The following GRID1 variants were observed in gnomAD, a reference collection of about 807,000 sequenced individuals.
The protein encoded by GRID1 is glutamate receptor ionotropic, delta-1.
A neutral mutation model predicts 98.0 loss-of-function variants in GRID1; 28 were observed. The ratio of observed to expected loss-of-function variants is 0.29; its 90% CI spans 0.21 to 0.39. GRID1 has a LOEUF of 0.39. Ranked by LOEUF, GRID1 falls within the 10% of genes least tolerant of loss-of-function variation. GRID1 has a pLI of 1.00. For missense variants in GRID1, 1,111 were observed against 1,340.5 expected (o/e 0.83, Z 2.67); for synonymous variants, 553 against 538.5 (o/e 1.03, Z -0.37).
intron 12 of GRID1, among the ~76,000 whole-genome samples, chr10:85,696,134 C>T (rs140796625): frequency 8.5e-5 from 13 of 152,164 alleles, no homozygotes; most frequent in African/African-American, 3.1e-4. Context: ...TACTGTCAGG[C>T]ACTGTGCTAA....
chr10:86,090,177 G>A (rs1844124547), intron 4 of GRID1, among the ~76,000 whole-genome samples: 1 of 152,084 alleles, frequency 6.6e-6, no homozygotes, highest in Non-Finnish European at 1.5e-5. Context: ...CAGCACTTTG[G>A]GAGGTCGAGG....
chr10:85,807,223 A>T (rs1352218874), intron 8 of GRID1, among the ~76,000 whole-genome samples: 1 of 151,882 alleles, frequency 6.6e-6, no homozygotes, highest in Non-Finnish European at 1.5e-5. Context: ...GGTGGCGCGC[A>T]CCTGTAGTCT....
intron 8 of GRID1, among the ~76,000 whole-genome samples, chr10:85,743,435 G>T (rs10887524): frequency 2.0e-5 from 3 of 151,964 alleles, no homozygotes; most frequent in Non-Finnish European, 4.4e-5. Flanking sequence ...ACAAAATTTG[G>T]GGTTGTCATG....
chr10:85,678,611 C>A (rs1841171677), intron 12 of GRID1, among the ~76,000 whole-genome samples: 1 of 152,178 alleles, frequency 6.6e-6, no homozygotes, highest in African/African-American at 2.4e-5. Flanking sequence ...TTTTCATTTT[C>A]TCTAGTCTCC....
chr10:86,135,188 TA>T (rs1228179089), intron 4 of GRID1, among the ~76,000 whole-genome samples: 1 of 152,192 alleles, frequency 6.6e-6, no homozygotes, highest in Non-Finnish European at 1.5e-5. Context: ...ACATCATAGG[TA>T]GTTGTCACTG....
intron 3 of GRID1, among the ~76,000 whole-genome samples, chr10:86,203,616 A>G: frequency 6.6e-6 from 1 of 151,668 alleles, no homozygotes; most frequent in Non-Finnish European, 1.5e-5. Flanking sequence ...AGGGCAGGCA[A>G]AGGCAGGAGG....
At chr10:86,176,090 G>T (rs1337089334) in intron 3 of GRID1, among the ~76,000 whole-genome samples, 1 of 152,224 alleles carries the variant, frequency 6.6e-6, no homozygotes, top group East Asian at 1.9e-4. Flanking sequence ...TGATCCGCCT[G>T]CCTCAGCCTC....
rs539583006 is a variant in GRID1 at position 85,799,409 on chromosome 10, A to G, written c.1233+55087T>C. On this transcript the variant is annotated intron_variant, in intron 8 of 15. Transcript: ENST00000327946. ...ATGTTGAAGGAATATCTGCACTCCT[A>G]TGTTTATCTATGCTTATTACAACAC... 1.2e-4 allele frequency among the ~76,000 whole-genome samples: 18 copies of G among 152,256 alleles called. No homozygotes were observed. In the South Asian group the frequency reaches 2.9e-3, roughly 25 times the overall value.
chr10:86,145,547 T>TACACACACACACACATAC (rs920900306), intron 3 of GRID1, among the ~76,000 whole-genome samples: 1,646 of 145,664 alleles, frequency 0.011, 28 homozygotes, highest in African/African-American at 0.035. Context: ...ATCCTCCACA[T>TACACACACACACACATAC]ACACACACAC....
At chr10:85,817,466 C>T (rs748740419) in intron 8 of GRID1, among the ~76,000 whole-genome samples, 8 of 152,066 alleles carry the variant, frequency 5.3e-5, no homozygotes, top group Non-Finnish European at 1.0e-4. Flanking sequence ...GTCAAGGCTG[C>T]AGTGGGCCAT....
chr10:86,303,373 C>A (rs1414533090), intron 2 of GRID1, among the ~76,000 whole-genome samples: 1 of 152,128 alleles, frequency 6.6e-6, no homozygotes, highest in African/African-American at 2.4e-5. Flanking sequence ...GAACCTCTTA[C>A]TTCATTAGAG....
intron 4 of GRID1, among the ~76,000 whole-genome samples, chr10:86,105,633 A>T (rs1844372718): frequency 6.6e-6 from 1 of 152,184 alleles, no homozygotes; most frequent in Non-Finnish European, 1.5e-5. Flanking sequence ...TTCATTCCCC[A>T]TTCAGCAAGC....
chr10:86,129,314 A>G (rs1216008118), intron 4 of GRID1, among the ~76,000 whole-genome samples: 1 of 152,210 alleles, frequency 6.6e-6, no homozygotes, highest in African/African-American at 2.4e-5. Context: ...ACACTCCAGG[A>G]GAAAAATGGG....
chr10:86,362,283 G>T (rs942252448), intron 2 of GRID1, among the ~76,000 whole-genome samples: 3 of 152,226 alleles, frequency 2.0e-5, no homozygotes, highest in Non-Finnish European at 2.9e-5. Flanking sequence ...CGCTAAGAAG[G>T]CCCTGCCCTC....
At chr10:85,776,953 T>C (rs1842337121) in intron 8 of GRID1, among the ~76,000 whole-genome samples, 1 of 152,246 alleles carries the variant, frequency 6.6e-6, no homozygotes, top group Non-Finnish European at 1.5e-5. Flanking sequence ...GAAATGCATT[T>C]GCTACCTATA....
chr10:85,788,060 A>C (rs972146016), intron 8 of GRID1, among the ~76,000 whole-genome samples: 1 of 143,308 alleles, frequency 7.0e-6, no homozygotes, highest in Non-Finnish European at 1.5e-5. Context: ...TTCACAAAAA[A>C]AAAAAGAAAA....
chr10:85,780,475 T>G (rs1842372028), intron 8 of GRID1, among the ~76,000 whole-genome samples: 1 of 152,186 alleles, frequency 6.6e-6, no homozygotes, highest in South Asian at 2.1e-4. Context: ...TTTCTCCTAA[T>G]TACTATTCTG....
intron 5 of GRID1, among the ~76,000 whole-genome samples, chr10:85,906,960 C>A (rs1165253819): frequency 6.6e-6 from 1 of 151,972 alleles, no homozygotes; most frequent in Non-Finnish European, 1.5e-5. Context: ...TGAATAACGT[C>A]AATAAACCTC....
chr10:85,796,667 A>T (rs1842528936), intron 8 of GRID1, among the ~76,000 whole-genome samples: 1 of 151,918 alleles, frequency 6.6e-6, no homozygotes, highest in Admixed American at 6.6e-5. Flanking sequence ...GAACACTGAA[A>T]TAATTTAAGC....
Sources: gnomAD v4.1 joint callset for allele counts (sites outside exome capture counted in the v4.1 genomes callset) on GRCh38, gnomAD v4.1.1 for gene constraint, MANE v1.5 for transcripts, NCBI Gene and HGNC (gene_info 2026-07-23, HGNC 2026-07-21) for gene names.